FNDC3B: variants seen among roughly 807,000 people sequenced by gnomAD.
The protein encoded by FNDC3B is fibronectin type III domain-containing protein 3B.
FNDC3B carries 12 observed loss-of-function variants against 151.5 expected under a neutral mutation model. That is an observed-to-expected ratio of 0.08 (90% confidence interval 0.05 to 0.13). The LOEUF (loss-of-function observed/expected upper bound fraction) is 0.13. FNDC3B is among the 10% of genes least tolerant of loss of function. The pLI, the probability that FNDC3B is intolerant of heterozygous loss-of-function variation, is 1.00. For missense variants in FNDC3B, 1,214 were observed against 1,505.3 expected (o/e 0.81, Z 3.20); for synonymous variants, 528 against 549.0 (o/e 0.96, Z 0.54).
chr3:172,169,607 G>A (rs1229339031), intron 3 of FNDC3B, among the ~76,000 whole-genome samples: 2 of 152,180 alleles, frequency 1.3e-5, no homozygotes, highest in Non-Finnish European at 2.9e-5. Context: ...GGGCCACGCC[G>A]GCAGAGAAAC....
intron 1 of FNDC3B, among the ~76,000 whole-genome samples, chr3:172,052,538 A>G (rs1183910278): frequency 6.6e-6 from 1 of 152,220 alleles, no homozygotes; most frequent in Non-Finnish European, 1.5e-5. Flanking sequence ...AGAAAGGGTC[A>G]AAGAGCATGC....
intron 4 of FNDC3B, among the ~76,000 whole-genome samples, chr3:172,231,920 G>A (rs977991798): frequency 8.4e-5 from 11 of 130,184 alleles, no homozygotes; most frequent in Admixed American, 1.8e-4. Flanking sequence ...TTGCTCTGAC[G>A]CCCAGGCTGG....
At chr3:172,050,795 A>G (rs992824619) in intron 1 of FNDC3B, among the ~76,000 whole-genome samples, 3 of 151,804 alleles carry the variant, frequency 2.0e-5, no homozygotes, top group African/African-American at 4.8e-5. Flanking sequence ...ATATTGCTGT[A>G]TATATAAATG....
intron 1 of FNDC3B, among the ~76,000 whole-genome samples, chr3:172,049,336 G>A (rs1157641211): frequency 1.3e-5 from 2 of 152,136 alleles, no homozygotes; most frequent in South Asian, 2.1e-4. Context: ...AGAGGAAAAT[G>A]TTTAAAAGTA....
At position 172,040,885 on chromosome 3, in the gene FNDC3B, C is replaced by T. The variant is rs1312514263; in HGVS notation, c.-29+1114C>T. 1.3e-5 allele frequency among the ~76,000 whole-genome samples: 2 copies of T among 152,102 alleles called. No homozygotes were observed. Among genetic ancestry groups the T allele is most frequent in the African/African-American group, 4.8e-5 (2 of 41,426 alleles). On this transcript the variant is annotated intron_variant, in intron 1 of 25. Coordinates refer to ENST00000415807, the MANE Select transcript of FNDC3B (RefSeq NM_022763.4). This position sits in a 1 kb window ranked among gnomAD's most constrained non-coding sequence, Gnocchi z 6.6. ...CCCGCCGTCTCGGGAGACTGGGCTG[C>T]GCCGCCCGGCGGCGCCTTTGGCGGG... is the stretch of plus-strand genomic sequence containing the variant.
intron 1 of FNDC3B, among the ~76,000 whole-genome samples, chr3:172,062,233 G>T (rs950781489): frequency 6.6e-6 from 1 of 151,736 alleles, no homozygotes; most frequent in Non-Finnish European, 1.5e-5. Context: ...CTTTTCTAGG[G>T]TTGGGAATTT....
intron 1 of FNDC3B, among the ~76,000 whole-genome samples, chr3:172,079,634 C>T (rs928041834): frequency 6.6e-6 from 1 of 152,140 alleles, no homozygotes; most frequent in African/African-American, 2.4e-5. Context: ...GGGAAATCAC[C>T]AGTATCCTTT....
At chr3:172,069,464 TTTAC>T (rs1385676413) in intron 1 of FNDC3B, among the ~76,000 whole-genome samples, 2 of 152,218 alleles carry the variant, frequency 1.3e-5, no homozygotes, top group Non-Finnish European at 2.9e-5. Flanking sequence ...GTTTTAAAAA[TTTAC>T]TTATTTTTAT....
chr3:172,331,000 A>AT (rs11387515), intron 13 of FNDC3B, among the ~76,000 whole-genome samples: 76,205 of 151,914 alleles, frequency 0.5, 19,467 homozygotes, highest in Middle Eastern at 0.62. Flanking sequence ...GAAATTAACC[A>AT]TTTTTATCTC....
At chr3:172,336,148 G>A (rs1732951862) in intron 15 of FNDC3B, among the ~76,000 whole-genome samples, 1 of 152,014 alleles carries the variant, frequency 6.6e-6, no homozygotes, top group African/African-American at 2.4e-5. Context: ...ATACATTAAT[G>A]GAAATACCAG....
intron 3 of FNDC3B, among the ~76,000 whole-genome samples, chr3:172,203,553 T>G (rs1005023709): frequency 1.3e-5 from 2 of 152,248 alleles, no homozygotes; most frequent in Admixed American, 1.3e-4. Context: ...GGATGTTACA[T>G]TCACATAAGA....
Position 172,132,634 on chromosome 3 carries a change from G to T in FNDC3B, c.112-837G>T, listed in dbSNP as rs951889779. On this transcript the variant is annotated intron_variant, in intron 2 of 25. Coordinates refer to ENST00000415807, the MANE Select transcript of FNDC3B (RefSeq NM_022763.4). ...GTTGGTCTTGAACTCCTGACCTCAA[G>T]TGATCCACCTGCCTCAGCCTCCCAA... 1.1e-4 allele frequency among the ~76,000 whole-genome samples: 17 copies of T among 152,308 alleles called. No individual in the cohort carries two copies. In the East Asian group the frequency reaches 3.3e-3, roughly 29 times the overall value.
intron 11 of FNDC3B, among the ~76,000 whole-genome samples, chr3:172,327,995 T>C (rs1468151828): frequency 6.6e-6 from 1 of 152,204 alleles, no homozygotes; most frequent in African/African-American, 2.4e-5. Flanking sequence ...GATAAGATAG[T>C]AAGATAATGT....
intron 2 of FNDC3B, among the ~76,000 whole-genome samples, chr3:172,132,961 C>T (rs1219939051): frequency 6.6e-6 from 1 of 152,092 alleles, no homozygotes; most frequent in Admixed American, 6.5e-5. Flanking sequence ...TAATACTGTT[C>T]ATTATTGTCT....
At chr3:172,363,799 G>A (rs560410420) in intron 23 of FNDC3B, among the ~76,000 whole-genome samples, 38 of 152,284 alleles carry the variant, frequency 2.5e-4, no homozygotes, top group Admixed American at 4.6e-4. Flanking sequence ...AGTCCTGTGG[G>A]CCTTCAGTGG....
chr3:172,237,557 A>G (rs549636139), intron 4 of FNDC3B: 1 of 152,358 alleles, frequency 6.6e-6, no homozygotes, highest in South Asian at 2.1e-4. Context: ...ATGAATAGCC[A>G]TCACACTCCA....
chr3:172,244,781 C>T (rs763234703), intron 4 of FNDC3B, among the ~76,000 whole-genome samples: 28 of 151,970 alleles, frequency 1.8e-4, no homozygotes, highest in Admixed American at 3.9e-4. Context: ...CACGCTGCCA[C>T]ACCCTGCTAA....
In FNDC3B at chr3:172,355,984, T is replaced by C. The variant is rs1474655959; in HGVS notation, c.2795+2901T>C. ...ATTACTTTTTTTTAAACAACCTTAT[T>C]ATATGCCTGACTCAGACTGAGCTGG... On this transcript the variant is annotated intron_variant, in intron 22 of 25. Transcript: ENST00000415807. Among the ~76,000 whole-genome samples the C allele has an allele frequency of 2.0e-5, 3 of 152,244 alleles. No individual in the cohort carries two copies. In the East Asian group the frequency reaches 5.8e-4, roughly 29 times the overall value.
chr3:172,376,584 G>A (rs1298169912), intron 23 of FNDC3B, among the ~76,000 whole-genome samples: 2 of 152,178 alleles, frequency 1.3e-5, no homozygotes, highest in Admixed American at 6.5e-5. Context: ...GTTTGGCTCT[G>A]GCATTAGCAA....
Sources: gnomAD v4.1 joint callset for allele counts (sites outside exome capture counted in the v4.1 genomes callset) on GRCh38, gnomAD v4.1.1 for gene constraint, Gnocchi (gnomAD v3.1) non-coding constraint, MANE v1.5 for transcripts, NCBI Gene and HGNC (gene_info 2026-07-23, HGNC 2026-07-21) for gene names.